Variants in ANK2 observed in about 807,000 individuals in gnomAD.
The protein encoded by ANK2 is ankyrin 2.
In ANK2, 83 loss-of-function variants were observed where a neutral mutation model predicts 360.5. The ratio of observed to expected loss-of-function variants is 0.23; its 90% CI spans 0.19 to 0.28. The LOEUF (loss-of-function observed/expected upper bound fraction) is 0.28, where lower values mean the gene tolerates loss of function less well. ANK2 is among the 10% of genes least tolerant of loss of function. The pLI is 1.00. For missense variants in ANK2, 4,201 were observed against 4,795.7 expected, an observed-to-expected ratio of 0.88 and a Z score of 3.66; for synonymous variants, 1,740 against 1,759.5, an observed-to-expected ratio of 0.99 and a Z score of 0.28.
chr4:112,801,138 A>G, the ANK2 span, among the ~76,000 whole-genome samples: 1 of 152,176 alleles, frequency 6.6e-6, no homozygotes, highest in Non-Finnish European at 1.5e-5. Flanking sequence ...TACATTGACA[A>G]CTGAATCATA....
chr4:112,790,104 A>G, the ANK2 span, among the ~76,000 whole-genome samples: 1 of 152,204 alleles, frequency 6.6e-6, no homozygotes. Context: ...CAAAAGGATT[A>G]GATTTCATTT....
At chr4:113,116,528 G>T (rs2094797967) in intron 1 of ANK2, among the ~76,000 whole-genome samples, 1 of 152,176 alleles carries the variant, frequency 6.6e-6, no homozygotes, top group South Asian at 2.1e-4. Context: ...GTATTGCCAC[G>T]GCAGTGGCAA....
chr4:113,312,465 C>A (rs1040912343), intron 24 of ANK2, among the ~76,000 whole-genome samples: 2 of 151,512 alleles, frequency 1.3e-5, no homozygotes, highest in Non-Finnish European at 2.9e-5. Context: ...ACAAACTTTT[C>A]TTGGGCTTTT....
intron 1 of ANK2, among the ~76,000 whole-genome samples, chr4:113,104,354 C>CA (rs1325856203): frequency 6.6e-6 from 1 of 152,028 alleles, no homozygotes; most frequent in Non-Finnish European, 1.5e-5. Context: ...CTTATTATCA[C>CA]AAAAAAGAGC....
intron 5 of ANK2, among the ~76,000 whole-genome samples, chr4:113,234,164 C>T (rs921919611): frequency 6.6e-6 from 1 of 152,182 alleles, no homozygotes; most frequent in Non-Finnish European, 1.5e-5. Context: ...GCATTCCCAG[C>T]TGTCTCATGG....
chr4:113,093,655 ACT>A (rs1314687886), intron 1 of ANK2, among the ~76,000 whole-genome samples: 2 of 151,902 alleles, frequency 1.3e-5, no homozygotes, highest in African/African-American at 2.4e-5. Flanking sequence ...GCTTTTTGAA[ACT>A]CTGTTTATTA....
the ANK2 span, among the ~76,000 whole-genome samples, chr4:112,749,572 TG>T: frequency 2.0e-5 from 3 of 152,174 alleles, no homozygotes; most frequent in South Asian, 6.2e-4. Flanking sequence ...ATGAGAGAGA[TG>T]GTCTCCTACT....
intron 4 of ANK2, among the ~76,000 whole-genome samples, chr4:113,224,666 A>T (rs2099193349): frequency 6.6e-6 from 1 of 152,248 alleles, no homozygotes; most frequent in Non-Finnish European, 1.5e-5. Flanking sequence ...TAAAATGAGT[A>T]GTTTACACAG....
chr4:112,946,694 C>T (rs534374618), intron 2 of ANK2, among the ~76,000 whole-genome samples: 1 of 152,304 alleles, frequency 6.6e-6, no homozygotes, highest in South Asian at 2.1e-4. Context: ...AAATTAACTA[C>T]TAAACAGTGA....
At position 113,354,269 on chromosome 4, in the gene ANK2, C is replaced by T. The variant is rs150737736; in HGVS notation, c.5651C>T (p.Ser1884Leu). 461 of 1,614,000 alleles carry T rather than the reference C, an allele frequency of 2.9e-4. No homozygotes were observed. The highest frequency in any genetic ancestry group is 3.8e-4 in the Non-Finnish European group (446 of 1,180,006). The change falls in exon 38 of 46, where the codon TCG becomes TTG. Residue 1884 changes from serine to leucine, a missense_variant. Physicochemically the swap from Ser to Leu is moderately radical, Grantham distance 145. Around this residue, in one of 4 missense-constraint regions of ANK2, gnomAD observed 2,642 missense variants for 2,714.5 expected, o/e 0.97. Coordinates refer to ENST00000357077, the MANE Select transcript of ANK2 (RefSeq NM_001148.6). The stretch of plus-strand genomic sequence containing the variant: ...GAGAAACACTCACCTGTATCACCCT[C>T]GACAAAAACTGAAAGGCACTCTCCT... ...KTEKHSPVSP[S>L]TKTERHSPVS... is the part of the protein sequence containing the mutation.
chr4:113,059,272 A>G (rs912935816), intron 1 of ANK2, among the ~76,000 whole-genome samples: 24 of 152,160 alleles, frequency 1.6e-4, no homozygotes, highest in African/African-American at 5.8e-4. Context: ...ATAGCCTGGC[A>G]TGCTTAAATA....
chr4:112,965,073 C>A (rs1362326851), intron 2 of ANK2, among the ~76,000 whole-genome samples: 1 of 152,168 alleles, frequency 6.6e-6, no homozygotes, highest in Non-Finnish European at 1.5e-5. Flanking sequence ...TGAGGAACCT[C>A]CAAACTATTT....
intron 1 of ANK2, among the ~76,000 whole-genome samples, chr4:112,844,390 C>T (rs10013796): frequency 0.096 from 14,675 of 152,174 alleles, 1,011 homozygotes; most frequent in African/African-American, 0.2. Context: ...TACATGTTAT[C>T]GCTTATCTGC....
chr4:113,249,388 GTTCCAGGGAGTAGAGC>G (rs1243761146), intron 9 of ANK2, among the ~76,000 whole-genome samples: 8 of 152,142 alleles, frequency 5.3e-5, no homozygotes, highest in African/African-American at 1.9e-4. Flanking sequence ...CCTGTTTTCG[GTTCCAGGGAGTAGAGC>G]TTTAAATTTC....
At chr4:112,785,076 A>G in the ANK2 span, among the ~76,000 whole-genome samples, 6 of 152,362 alleles carry the variant, frequency 3.9e-5, no homozygotes, top group East Asian at 7.7e-4. Flanking sequence ...AGTCACTTTA[A>G]TGCAGCTTTG....
the ANK2 span, among the ~76,000 whole-genome samples, chr4:112,799,718 T>C: frequency 6.6e-6 from 1 of 151,830 alleles, no homozygotes; most frequent in African/African-American, 2.4e-5. Context: ...GGTTTTGCCA[T>C]GTTGGCCAGG....
At chr4:112,831,461 G>T (rs2059712523) in intron 1 of ANK2, among the ~76,000 whole-genome samples, 1 of 152,190 alleles carries the variant, frequency 6.6e-6, no homozygotes, top group South Asian at 2.1e-4. Flanking sequence ...AGCACCTTGT[G>T]TGTAGCTCAA....
chr4:113,055,515 G>T (rs1364603000), intron 1 of ANK2, among the ~76,000 whole-genome samples: 2 of 152,208 alleles, frequency 1.3e-5, no homozygotes, highest in Non-Finnish European at 2.9e-5. Flanking sequence ...ATTTTGATTA[G>T]ATGTGTTAGT....
intron 1 of ANK2, among the ~76,000 whole-genome samples, chr4:113,160,520 C>A (rs1321316118): frequency 6.6e-6 from 1 of 152,214 alleles, no homozygotes; most frequent in Non-Finnish European, 1.5e-5. Flanking sequence ...CAAATTTTCA[C>A]TAGTTTAATT....
Sources: allele counts gnomAD v4.1 joint callset (sites outside exome capture counted in the v4.1 genomes callset), GRCh38; gene constraint gnomAD v4.1.1; regional missense constraint gnomAD v4.1.1; transcripts MANE v1.5; gene names NCBI Gene and HGNC (gene_info 2026-07-23, HGNC 2026-07-21).